CPEB2: variants seen among roughly 807,000 people sequenced by gnomAD.
CPEB2 encodes cytoplasmic polyadenylation element-binding protein 2.
A neutral mutation model predicts 93.6 loss-of-function variants in CPEB2; 56 were observed. The ratio of observed to expected loss-of-function variants is 0.60; its 90% confidence interval spans 0.48 to 0.75. The LOEUF is 0.75. Ranked by LOEUF, CPEB2 falls within the 30% of genes least tolerant of loss-of-function variation. CPEB2 has a pLI of 0.00. For missense variants in CPEB2, 1,579 were observed against 1,395.1 expected (o/e 1.13, Z -2.10); for synonymous variants, 764 against 586.3 (o/e 1.30, Z -4.38).
At chr4:15,016,229 G>A (rs572290644) in intron 3 of CPEB2, among the ~76,000 whole-genome samples, 57 of 152,080 alleles carry the variant, frequency 3.7e-4, no homozygotes, top group African/African-American at 5.8e-4. Flanking sequence ...TTACACATGC[G>A]TGTATACACA....
chr4:15,003,040 C>G lies in CPEB2; in HGVS notation c.367C>G (p.Pro123Ala), dbSNP rs747753677. ...CACGGAGAAACTCCCCGACCACCAC[C>G]CCGGCGGCGGCACGATCGCGGGTGT... is the stretch of plus-strand genomic sequence containing the variant. ...AATEKLPDHH[P>A]GGGTIAGVTH... The change falls in exon 1 of 12, where the codon CCC becomes GCC. Residue 123 changes from proline (P) to alanine (A), a missense_variant. Pro to Ala is a conservative substitution (Grantham distance 27). This residue lies in a region of CPEB2 where 1,411 missense variants were observed against 1,056.0 expected (regional missense o/e 1.34). Coordinates refer to ENST00000538197, the MANE Select transcript of CPEB2 (RefSeq NM_001177382.2). 26 of 1,511,244 alleles carry G rather than the reference C, an allele frequency of 1.7e-5. No homozygotes were observed. Among genetic ancestry groups the G allele is most frequent in the Non-Finnish European group, 2.2e-5 (25 of 1,138,876 alleles). The allele number at this position is 1,511,244 out of a possible 1,614,324, so 93.6% of individuals were successfully genotyped here.
intron 3 of CPEB2, 49 bp from the exon 4 acceptor site, chr4:15,017,139 T>A: frequency 1.9e-6 from 2 of 1,059,894 alleles, no homozygotes; most frequent in Non-Finnish European, 2.9e-6. Context: ...TAATCGCTTT[T>A]TGAAAAAACT....
rs1728502060 is a variant in CPEB2 at position 15,054,108 on chromosome 4, T to C, written c.2372-20T>C. On this transcript the variant is annotated intron_variant, in intron 7 of 11. Coordinates refer to ENST00000538197, the MANE Select transcript of CPEB2 (RefSeq NM_001177382.2). Reference sequence around the variant, plus strand: ...ATCACTGAAACTAATTTCTAATGTGTATTATTGTACTTTCTTAAGATGAAA... The same window carrying C: ...ATCACTGAAACTAATTTCTAATGTGCATTATTGTACTTTCTTAAGATGAAA... 6.5e-7 allele frequency: 1 copy of C among 1,532,174 alleles called. No individual in the cohort carries two copies. Among genetic ancestry groups the C allele is most frequent in the Non-Finnish European group, 9.0e-7 (1 of 1,111,218 alleles). The allele number at this position is 1,532,174 out of a possible 1,614,324, so 94.9% of individuals were successfully genotyped here.
At chr4:15,036,514 TTTA>T (rs1250010859) in intron 5 of CPEB2, among the ~76,000 whole-genome samples, 4 of 152,190 alleles carry the variant, frequency 2.6e-5, no homozygotes, top group African/African-American at 9.7e-5. Flanking sequence ...CTAAACACTT[TTTA>T]TTATCAGTAG....
Position 15,007,580 on chromosome 4 carries a change from C to G in CPEB2, c.1938C>G (p.Pro646=). 1 of 1,567,202 alleles carries G rather than the reference C, an allele frequency of 6.4e-7. No homozygotes were observed. The highest frequency in any genetic ancestry group is 8.7e-7 in the Non-Finnish European group (1 of 1,149,350). Residue 646 remains proline, a synonymous_variant, in exon 2 of 12, where the codon CCC becomes CCG. Transcript: ENST00000538197. ...RTDNNSNTLL[P]LQVRSSLQLP... is the part of the protein sequence containing the mutation. The stretch of plus-strand genomic sequence containing the variant: ...ACAACAATAGTAATACACTCTTACC[C>G]TTACAGGTAAGAATGGTATGTAAAT...
At chr4:15,050,376 C>G (rs1162088108) in intron 6 of CPEB2, among the ~76,000 whole-genome samples, 1 of 152,114 alleles carries the variant, frequency 6.6e-6, no homozygotes, top group African/African-American at 2.4e-5. Context: ...AAAACTGGTC[C>G]CTGGTGCCGA....
At chr4:15,006,566 G>C (rs1722842253) in intron 1 of CPEB2, 2 of 152,154 alleles carry the variant, frequency 1.3e-5, no homozygotes, top group South Asian at 4.1e-4. Flanking sequence ...CTTGTATCAA[G>C]ATCTCTAGTG....
At chr4:15,059,627 TG>T (rs1332984331) in intron 10 of CPEB2, among the ~76,000 whole-genome samples, 1 of 152,168 alleles carries the variant, frequency 6.6e-6, no homozygotes, top group Non-Finnish European at 1.5e-5. Flanking sequence ...CTGTTTATTT[TG>T]TGTAGATCGA....
chr4:15,047,115 C>T lies in CPEB2; in HGVS notation c.2201-5299C>T, dbSNP rs576786096. ...ACATGTATAGGCCCATTTCTAGACTCTATTATGTTCCATTTATCTGTCTAA... is the reference window on the plus strand; with the variant it reads ...ACATGTATAGGCCCATTTCTAGACTTTATTATGTTCCATTTATCTGTCTAA... On this transcript the variant is annotated intron_variant, in intron 6 of 11. Coordinates refer to ENST00000538197, the MANE Select transcript of CPEB2 (RefSeq NM_001177382.2). Among the ~76,000 whole-genome samples the T allele has an allele frequency of 3.9e-5, 6 of 152,246 alleles. 1 individual carries two copies. The highest frequency in any genetic ancestry group is 1.4e-4 in the African/African-American group (6 of 41,552).
intron 4 of CPEB2, among the ~76,000 whole-genome samples, chr4:15,027,320 T>A (rs1190375813): frequency 2.0e-5 from 3 of 152,242 alleles, no homozygotes; most frequent in Non-Finnish European, 1.5e-5. Flanking sequence ...TAATTTCAGT[T>A]GAATCTAAAG....
At chr4:15,038,558 C>CAACT (rs139454711) in intron 5 of CPEB2, among the ~76,000 whole-genome samples, 9,074 of 150,968 alleles carry the variant, frequency 0.06, 1,230 homozygotes, top group East Asian at 0.56. Context: ...AGGCTTAATA[C>CAACT]AACTATTCAC....
intron 5 of CPEB2, among the ~76,000 whole-genome samples, chr4:15,034,877 A>G (rs1726454833): frequency 1.3e-5 from 2 of 152,172 alleles, no homozygotes; most frequent in South Asian, 4.1e-4. Context: ...GAAAGGTACT[A>G]ATAGGTAAGG....
intron 3 of CPEB2, chr4:15,010,581 T>A (rs1723341505): frequency 6.6e-6 from 1 of 152,180 alleles, no homozygotes; most frequent in Non-Finnish European, 1.5e-5. Flanking sequence ...AGCTACAAAA[T>A]GAAATTGATA....
In CPEB2 at chr4:15,004,113, G is replaced by GAGC; in HGVS notation, c.1441_1443dup (p.Ser481dup). Reference sequence around the variant, plus strand: ...GCTGCACTGGGCTCAGCGTTCCGACGAGCGGCGGCGGCGGCGGCGGCTTCG... The same window carrying GAGC: ...GCTGCACTGGGCTCAGCGTTCCGACGAGCAGCGGCGGCGGCGGCGGCGGCTTCG... On this transcript the variant is annotated inframe_insertion, in exon 1 of 12. Coordinates refer to ENST00000538197, the MANE Select transcript of CPEB2 (RefSeq NM_001177382.2). 1.3e-6 allele frequency: 2 copies of GAGC among 1,548,710 alleles called. No individual in the cohort carries two copies. Among genetic ancestry groups the GAGC allele is most frequent in the Non-Finnish European group, 1.7e-6 (2 of 1,152,368 alleles).
In CPEB2 at chr4:15,069,678, T is replaced by A. The variant is rs182507014; in HGVS notation, c.*3298T>A. On this transcript the variant is annotated 3_prime_UTR_variant, in exon 12 of 12. Transcript: ENST00000538197. ...TATTTTTATGTGGAAATATATAATT[T>A]TATGACACTAATTGCTAAAGTTTAT... 7.2e-4 allele frequency: 109 copies of A among 152,340 alleles called. No homozygotes were observed. Among genetic ancestry groups the A allele is most frequent in the Non-Finnish European group, 1.3e-3 (90 of 67,812 alleles). 9.4% of individuals were successfully genotyped at this position (152,340 alleles called of 1,614,324 possible). A position where few individuals can be genotyped will look rare whatever the true frequency, so the allele number is the denominator to read the frequency against.
chr4:15,008,416 A>G lies in CPEB2; in HGVS notation c.2023A>G (p.Arg675Gly). The change falls in exon 3 of 12, where the codon AGA (arginine) becomes GGA (glycine). Residue 675 changes from arginine to glycine, a missense_variant. Physicochemically the swap from Arg to Gly is moderately radical, Grantham distance 125. Coordinates refer to ENST00000538197, the MANE Select transcript of CPEB2 (RefSeq NM_001177382.2). ...DSWCTAAGTS[R>G]IDQDRSRMYD... ...TTGGTGCACTGCAGCCGGAACATCC[A>G]GAATAGACCAGGTAGGCTGCACAGT... 1 of 1,612,486 alleles carries G rather than the reference A, an allele frequency of 6.2e-7. No homozygotes were observed. Among genetic ancestry groups the G allele is most frequent in the Non-Finnish European group, 8.5e-7 (1 of 1,178,570 alleles).
At position 15,004,347 on chromosome 4, in the gene CPEB2, G is replaced by A; in HGVS notation, c.1662+12G>A. On this transcript the variant is annotated intron_variant, in intron 1 of 11. Transcript: ENST00000538197. ...ATAACCACCACCAGGTACGGCGGGCGGCGGCCTGGCCGCGCCGCGGGACCG... is the reference window on the plus strand; with the variant it reads ...ATAACCACCACCAGGTACGGCGGGCAGCGGCCTGGCCGCGCCGCGGGACCG... 9 of 1,433,464 alleles carry A rather than the reference G, an allele frequency of 6.3e-6. No individual in the cohort carries two copies. The highest frequency in any genetic ancestry group is 8.1e-6 in the Non-Finnish European group (9 of 1,104,304). The allele number at this position is 1,433,464 out of a possible 1,614,324, so 88.8% of individuals were successfully genotyped here.
At chr4:15,039,609 A>T (rs563287805) in intron 5 of CPEB2, among the ~76,000 whole-genome samples, 1 of 152,196 alleles carries the variant, frequency 6.6e-6, no homozygotes, top group Admixed American at 6.5e-5. Context: ...TTCTTTTAAA[A>T]CAATTTGTGG....
intron 4 of CPEB2, 120 bp downstream of exon 4, chr4:15,017,398 CATTT>C: frequency 2.1e-6 from 1 of 465,370 alleles, no homozygotes; most frequent in Non-Finnish European, 3.8e-6. Context: ...CTCTCTTACA[CATTT>C]ATTAATGAGA....
Sources: gnomAD v4.1 joint callset for allele counts (sites outside exome capture counted in the v4.1 genomes callset) on GRCh38, gnomAD v4.1.1 for gene constraint, gnomAD v4.1.1 regional missense constraint, MANE v1.5 for transcripts, NCBI Gene and HGNC (gene_info 2026-07-23, HGNC 2026-07-21) for gene names.